Variants in COG2 observed in about 807,000 individuals in gnomAD.
The protein encoded by COG2 is conserved oligomeric Golgi complex subunit 2.
Under a neutral mutation model 90.6 loss-of-function variants are expected in COG2, and 52 were observed. That is an observed-to-expected ratio of 0.57 (90% CI 0.46 to 0.72). The LOEUF (loss-of-function observed/expected upper bound fraction) is 0.72. Among genes scored for constraint, COG2 ranks in the 30% least tolerant of loss-of-function variants. The pLI, the probability that COG2 is intolerant of heterozygous loss-of-function variation, is 0.00. For synonymous variants in COG2, 337 were observed against 320.4 expected, an observed-to-expected ratio of 1.05 and a Z score of -0.55; for missense variants, 829 against 891.2, an observed-to-expected ratio of 0.93 and a Z score of 0.89.
At chr1:230,665,210 G>A (rs896350290) in intron 5 of COG2, among the ~76,000 whole-genome samples, 2 of 152,070 alleles carry the variant, frequency 1.3e-5, no homozygotes, top group Non-Finnish European at 1.5e-5. Flanking sequence ...AAGAGCATGG[G>A]CTTATGTTGC....
chr1:230,676,086 C>T (rs1455920913), intron 9 of COG2, among the ~76,000 whole-genome samples: 3 of 152,074 alleles, frequency 2.0e-5, no homozygotes, highest in Non-Finnish European at 2.9e-5. Context: ...TGGCACTTTT[C>T]TTCCTTCTTC....
chr1:230,684,110 A>C (rs993330670), intron 11 of COG2, among the ~76,000 whole-genome samples: 1 of 152,142 alleles, frequency 6.6e-6, no homozygotes, highest in African/African-American at 2.4e-5. Flanking sequence ...TTTTTTAATA[A>C]GGTAAAAATA....
At chr1:230,673,881 A>T (rs910847897) in intron 8 of COG2, among the ~76,000 whole-genome samples, 2 of 152,218 alleles carry the variant, frequency 1.3e-5, no homozygotes, top group African/African-American at 4.8e-5. Context: ...ATTTTTGTTA[A>T]GCAGGAAAAT....
intron 4 of COG2, 49 bp from the exon 5 acceptor site, chr1:230,664,435 A>G (rs1165067779): frequency 3.6e-6 from 3 of 827,858 alleles, no homozygotes; most frequent in Admixed American, 2.9e-5. Context: ...AAATAAGAAA[A>G]TTAAGATTAA....
chr1:230,692,052 G>A (rs1205794429), intron 17 of COG2, among the ~76,000 whole-genome samples: 1 of 151,958 alleles, frequency 6.6e-6, no homozygotes, highest in Admixed American at 6.6e-5. Context: ...GTAGTTGAAT[G>A]GTAATGTGGA....
chr1:230,645,665 A>C (rs1661752459), intron 1 of COG2, among the ~76,000 whole-genome samples: 1 of 152,162 alleles, frequency 6.6e-6, no homozygotes, highest in Admixed American at 6.5e-5. Context: ...TAATTATTAC[A>C]TTGTAATACA....
intron 10 of COG2, 182 bp downstream of exon 10, chr1:230,679,234 C>T: frequency 1.8e-6 from 1 of 546,112 alleles, no homozygotes; most frequent in Middle Eastern, 5.2e-4. Flanking sequence ...GTCTGGCTTG[C>T]ATGACAAAAA....
Position 230,691,579 on chromosome 1 carries a change from G to A in COG2, c.2115+15G>A, listed in dbSNP as rs994709730. ...TGGGAGAGCAGGTAACCCATCAGCC[G>A]CCGGCAGCTCCAGCGAGCCTGAAAC... On this transcript the variant is annotated intron_variant, in intron 17 of 17. Coordinates refer to ENST00000366669, the MANE Select transcript of COG2 (RefSeq NM_007357.3). The A allele has an allele frequency of 1.0e-5, 16 of 1,596,584 alleles. 1 individual carries two copies. The Admixed American group carries it at 2.1e-4, about 21-fold the overall frequency.
At chr1:230,684,022 C>T (rs1475593228) in intron 11 of COG2, among the ~76,000 whole-genome samples, 1 of 152,040 alleles carries the variant, frequency 6.6e-6, no homozygotes. Context: ...GAACTCTGAC[C>T]TCAAGTGATT....
At chr1:230,664,451 A>G (rs1329982995) in intron 4 of COG2, 33 bp from the exon 5 acceptor site, 2 of 950,124 alleles carry the variant, frequency 2.1e-6, no homozygotes, top group South Asian at 3.5e-5. Flanking sequence ...ATTAAACATG[A>G]CAATAACTTT....
Position 230,669,431 on chromosome 1 carries a change from G to T in COG2, c.670G>T (p.Val224Phe), listed in dbSNP as rs762848634. 6.2e-7 allele frequency: 1 copy of T among 1,614,080 alleles called. No individual in the cohort carries two copies. Among genetic ancestry groups the T allele is most frequent in the South Asian group, 1.1e-5 (1 of 91,080 alleles). The change falls in exon 7 of 18, where the codon GTC (valine) becomes TTC (phenylalanine). Residue 224 changes from valine (V) to phenylalanine (F), a missense_variant. Val to Phe is a conservative substitution (Grantham distance 50). Transcript: ENST00000366669. Reference protein sequence around the residue: ...LLLEGLQTSDVDIIRHCLRTY... With the variant: ...LLLEGLQTSDFDIIRHCLRTY... ...ATTAGAAGGCCTTCAGACGTCTGAC[G>T]TCGATATAATACGGCACTGCTTGCG...
At position 230,642,664 on chromosome 1, in the gene COG2, G is replaced by C; in HGVS notation, c.58G>C (p.Asp20His). 1 of 1,613,044 alleles carries C rather than the reference G, an allele frequency of 6.2e-7. No homozygotes were observed. The highest frequency in any genetic ancestry group is 8.5e-7 in the Non-Finnish European group (1 of 1,179,608). ...KGPDTLCFDKDEFMKEDFDVD... is the reference protein window; with the variant it reads ...KGPDTLCFDKHEFMKEDFDVD... ...GCCGGACACGCTCTGCTTCGACAAGGACGAGTTCATGAAGGTGCGCGCGGC... is the reference window on the plus strand; with the variant it reads ...GCCGGACACGCTCTGCTTCGACAAGCACGAGTTCATGAAGGTGCGCGCGGC... Residue 20 changes from aspartate to histidine, a missense_variant, in exon 1 of 18, where the codon GAC (aspartate) becomes CAC (histidine). Physicochemically the swap from Asp to His is moderately conservative, Grantham distance 81. Transcript: ENST00000366669.
At chr1:230,670,151 C>T (rs1472644772) in intron 7 of COG2, 3 of 152,220 alleles carry the variant, frequency 2.0e-5, no homozygotes, top group Non-Finnish European at 2.9e-5. Flanking sequence ...GTATCCTTCA[C>T]CTAGTAGGAT....
chr1:230,665,079 A>G (rs1047669777), intron 5 of COG2, among the ~76,000 whole-genome samples: 1 of 152,308 alleles, frequency 6.6e-6, no homozygotes, highest in South Asian at 2.1e-4. Context: ...CCTTTGTTAT[A>G]CTGTAGTGTC....
At chr1:230,691,227 T>G (rs1234332847) in intron 16 of COG2, among the ~76,000 whole-genome samples, 157 bp from the exon 17 acceptor site, 1 of 148,394 alleles carries the variant, frequency 6.7e-6, no homozygotes, top group East Asian at 1.9e-4. Flanking sequence ...ATATATAAAA[T>G]GATCTTAAGA....
chr1:230,649,797 T>C (rs1284631765), intron 1 of COG2, among the ~76,000 whole-genome samples: 1 of 152,132 alleles, frequency 6.6e-6, no homozygotes, highest in African/African-American at 2.4e-5. Context: ...ATGGTGAGGT[T>C]TGTGCTTCTA....
chr1:230,688,889 CTCCATATCAGGTAT>C (rs1662954064), intron 15 of COG2, among the ~76,000 whole-genome samples: 1 of 152,140 alleles, frequency 6.6e-6, no homozygotes, highest in African/African-American at 2.4e-5. Flanking sequence ...ACGTTTTTGT[CTCCATATCAGGTAT>C]TCCACACTTT....
At position 230,688,400 on chromosome 1, in the gene COG2, C is replaced by T. The variant is rs754104416; in HGVS notation, c.1652-20C>T. ...CTGGGCCTGAGCATGATGATTAAATCCAGTCTTTAATCTCAACAGCAGCCC... is the reference window on the plus strand; with the variant it reads ...CTGGGCCTGAGCATGATGATTAAATTCAGTCTTTAATCTCAACAGCAGCCC... On this transcript the variant is annotated intron_variant, in intron 14 of 17. Transcript: ENST00000366669. 2.5e-6 allele frequency: 4 copies of T among 1,612,864 alleles called. No homozygotes were observed. In the Admixed American group the frequency reaches 6.7e-5, roughly 27 times the overall value.
chr1:230,663,118 CTTTT>C lies in COG2; in HGVS notation c.301-15_301-12del, dbSNP rs555073793. ...ATGTTACAAAACAATCTCTGCAGTA[CTTTT>C]TTTTTTTGTCTTTTAAAGAGCCTTA... On this transcript the variant is annotated intron_variant, in intron 3 of 17. Transcript: ENST00000366669. 1.9e-5 allele frequency: 23 copies of C among 1,205,274 alleles called. No individual in the cohort carries two copies. The highest frequency in any genetic ancestry group is 2.6e-5 in the Non-Finnish European group (23 of 878,344). 74.7% of individuals were successfully genotyped at this position (1,205,274 alleles called of 1,614,324 possible).
Sources: allele counts gnomAD v4.1 joint callset (sites outside exome capture counted in the v4.1 genomes callset), GRCh38; gene constraint gnomAD v4.1.1; transcripts MANE v1.5; gene names NCBI Gene and HGNC (gene_info 2026-07-23, HGNC 2026-07-21).